Variants in TENM2 observed in about 807,000 individuals in gnomAD.
TENM2 encodes teneurin transmembrane protein 2.
In TENM2, 52 loss-of-function variants were observed where a neutral mutation model predicts 245.2. That is an observed-to-expected ratio of 0.21 (90% confidence interval 0.17 to 0.27). TENM2 has a LOEUF of 0.27. Among genes scored for constraint, TENM2 ranks in the 10% least tolerant of loss-of-function variants. The pLI is 1.00. For synonymous variants in TENM2, 1,363 were observed against 1,438.9 expected, an observed-to-expected ratio of 0.95 and a Z score of 1.19; for missense variants, 3,046 against 3,666.8, an observed-to-expected ratio of 0.83 and a Z score of 4.37.
At chr5:167,673,268 T>A (rs1756083530) in intron 2 of TENM2, among the ~76,000 whole-genome samples, 1 of 152,034 alleles carries the variant, frequency 6.6e-6, no homozygotes, top group Admixed American at 6.6e-5. Flanking sequence ...TTGTTTCAAT[T>A]TTTGCAATGT....
intron 5 of TENM2, among the ~76,000 whole-genome samples, chr5:168,004,519 A>ACGCG (rs1465686752): frequency 9.5e-5 from 3 of 31,738 alleles, no homozygotes; most frequent in Non-Finnish European, 2.3e-4. Flanking sequence ...GCGCGCGCGC[A>ACGCG]CACACACACA....
At chr5:167,742,067 C>T (rs972940076) in intron 2 of TENM2, among the ~76,000 whole-genome samples, 6 of 152,148 alleles carry the variant, frequency 3.9e-5, no homozygotes, top group African/African-American at 1.4e-4. Flanking sequence ...AAGAAATATC[C>T]TAAGTGGCAA....
At chr5:167,649,127 C>T (rs746798699) in intron 2 of TENM2, among the ~76,000 whole-genome samples, 2 of 152,174 alleles carry the variant, frequency 1.3e-5, no homozygotes, top group Non-Finnish European at 2.9e-5. Flanking sequence ...AAACCACCAC[C>T]TCTCTTTTCT....
chr5:167,434,188 G>A (rs1009538632), intron 2 of TENM2, among the ~76,000 whole-genome samples: 7 of 151,894 alleles, frequency 4.6e-5, no homozygotes, highest in African/African-American at 1.5e-4. Context: ...TTGGGAGGCC[G>A]AGATGGGCAA....
At chr5:167,746,385 A>C (rs946860745) in intron 2 of TENM2, among the ~76,000 whole-genome samples, 19 of 152,146 alleles carry the variant, frequency 1.2e-4, no homozygotes, top group African/African-American at 4.6e-4. Flanking sequence ...TTTGACATGG[A>C]TACATAGATC....
At chr5:167,763,449 A>T (rs1039420810) in intron 2 of TENM2, among the ~76,000 whole-genome samples, 4 of 152,146 alleles carry the variant, frequency 2.6e-5, no homozygotes, top group African/African-American at 7.2e-5. Flanking sequence ...CACTGCAACC[A>T]TCTGAGATAC....
intron 2 of TENM2, among the ~76,000 whole-genome samples, chr5:167,865,356 C>A (rs1196750522): frequency 6.6e-6 from 1 of 152,128 alleles, no homozygotes; most frequent in East Asian, 1.9e-4. Context: ...TCACTGCAGC[C>A]TCGACCTCCT....
the TENM2 span, among the ~76,000 whole-genome samples, chr5:167,249,022 G>A: frequency 6.6e-6 from 1 of 152,114 alleles, no homozygotes; most frequent in African/African-American, 2.4e-5. Context: ...GCATATCTCT[G>A]TAATTAATAC....
chr5:167,760,602 A>C (rs1762600309), intron 2 of TENM2, among the ~76,000 whole-genome samples: 1 of 152,236 alleles, frequency 6.6e-6, no homozygotes, highest in Admixed American at 6.5e-5. Context: ...GGACTTGTAA[A>C]TAGGTAAGTG....
At chr5:167,786,118 A>G (rs1764562423) in intron 2 of TENM2, among the ~76,000 whole-genome samples, 1 of 152,054 alleles carries the variant, frequency 6.6e-6, no homozygotes, top group Admixed American at 6.5e-5. Context: ...TCTGTCTCTG[A>G]CGCCATGACC....
the TENM2 span, among the ~76,000 whole-genome samples, chr5:167,271,044 C>A: frequency 6.6e-6 from 1 of 152,140 alleles, no homozygotes; most frequent in East Asian, 1.9e-4. Flanking sequence ...GCATCCTCTG[C>A]ACACTGTGAT....
At chr5:167,984,117 A>G (rs1453397111) in intron 4 of TENM2, among the ~76,000 whole-genome samples, 1 of 152,230 alleles carries the variant, frequency 6.6e-6, no homozygotes, top group Non-Finnish European at 1.5e-5. Flanking sequence ...TAACTTGCCC[A>G]AGATCACACA....
At chr5:167,678,584 C>T (rs1206786681) in intron 2 of TENM2, among the ~76,000 whole-genome samples, 1 of 152,110 alleles carries the variant, frequency 6.6e-6, no homozygotes, top group Non-Finnish European at 1.5e-5. Context: ...CCCAGCCACC[C>T]ATTAGACTGC....
intron 10 of TENM2, 69 bp from the exon 13 acceptor site, chr5:168,124,781 G>A: frequency 6.9e-7 from 1 of 1,446,264 alleles, no homozygotes; most frequent in Non-Finnish European, 9.3e-7. Context: ...GCAAGCCCAT[G>A]TCTCATGGTC....
the TENM2 span, among the ~76,000 whole-genome samples, chr5:167,249,540 T>C: frequency 2.6e-5 from 4 of 152,190 alleles, no homozygotes; most frequent in Non-Finnish European, 5.9e-5. Flanking sequence ...ACCTACTCTG[T>C]GCCAGGCACT....
intron 27 of TENM2, among the ~76,000 whole-genome samples, chr5:168,254,521 A>AGAAG: frequency 6.6e-6 from 1 of 151,180 alleles, no homozygotes; most frequent in Non-Finnish European, 1.5e-5. Context: ...AGAGGAAGAA[A>AGAAG]GGGAGGAAGA....
the TENM2 span, among the ~76,000 whole-genome samples, chr5:167,203,066 C>T: frequency 6.6e-6 from 1 of 152,150 alleles, no homozygotes; most frequent in African/African-American, 2.4e-5. Flanking sequence ...TTAATCTGCA[C>T]AATCCAATGC....
chr5:168,019,578 G>A (rs1013331213), intron 5 of TENM2, among the ~76,000 whole-genome samples: 7 of 152,196 alleles, frequency 4.6e-5, no homozygotes, highest in African/African-American at 7.2e-5. Flanking sequence ...CCTTTTGCTC[G>A]ATACTGGACA....
chr5:167,053,429 A>T, the TENM2 span, among the ~76,000 whole-genome samples: 6 of 152,086 alleles, frequency 3.9e-5, no homozygotes, highest in African/African-American at 1.4e-4. Context: ...CTGTTGGAGC[A>T]GATGTTTGTA....
Sources: allele counts gnomAD v4.1 joint callset (sites outside exome capture counted in the v4.1 genomes callset), GRCh38; gene constraint gnomAD v4.1.1; transcripts MANE v1.5; gene names NCBI Gene and HGNC (gene_info 2026-07-23, HGNC 2026-07-21).